CACNA1H: variants seen among roughly 807,000 people sequenced by gnomAD.
CACNA1H encodes the protein voltage-dependent T-type calcium channel subunit alpha-1H.
A neutral mutation model predicts 192.5 loss-of-function variants in CACNA1H; 149 were observed. The observed-to-expected ratio is 0.77, with a 90% CI of 0.68 to 0.89. The LOEUF (loss-of-function observed/expected upper bound fraction) is 0.89. Ranked by LOEUF, CACNA1H falls within the 40% of genes least tolerant of loss-of-function variation. The probability of loss-of-function intolerance (pLI) is 0.00; values close to 1 mark genes in which losing one functional copy is unlikely to be tolerated. For missense variants in CACNA1H, 4,257 were observed against 3,423.5 expected (o/e 1.24, Z -6.08); for synonymous variants, 2,202 against 1,475.2 (o/e 1.49, Z -11.29).
chr16:1,161,741 G>A (rs564872841), intron 2 of CACNA1H, among the ~76,000 whole-genome samples: 10 of 152,288 alleles, frequency 6.6e-5, no homozygotes, highest in East Asian at 3.9e-4. Context: ...CCGTCCAGTC[G>A]GTGGGTGGCC....
At chr16:1,216,269 T>C (rs1241618694) in intron 30 of CACNA1H, among the ~76,000 whole-genome samples, 2 of 152,218 alleles carry the variant, frequency 1.3e-5, no homozygotes, top group African/African-American at 4.8e-5. Flanking sequence ...CCACTCACCC[T>C]GTCCTCAGCG....
intron 2 of CACNA1H, among the ~76,000 whole-genome samples, chr16:1,160,934 C>A (rs999368193): frequency 1.3e-5 from 2 of 152,134 alleles, no homozygotes; most frequent in Non-Finnish European, 2.9e-5. Flanking sequence ...GTGCGGCCCC[C>A]CCCCAGCCTC....
chr16:1,200,676 A>G, intron 7 of CACNA1H, 40 bp from the exon 8 acceptor site: 1 of 1,564,810 alleles, frequency 6.4e-7, no homozygotes, highest in South Asian at 1.1e-5. Flanking sequence ...GAGGAGGAGG[A>G]GGGGTCGTGC....
At chr16:1,190,529 C>T (rs1246124177) in intron 2 of CACNA1H, among the ~76,000 whole-genome samples, 1 of 152,218 alleles carries the variant, frequency 6.6e-6, no homozygotes, top group Non-Finnish European at 1.5e-5. Context: ...GGCACTGGGA[C>T]CTGGTACATC....
intron 19 of CACNA1H, 45 bp downstream of exon 19, chr16:1,210,538 G>A (rs1303017083): frequency 6.2e-7 from 1 of 1,610,618 alleles, no homozygotes; most frequent in Admixed American, 1.7e-5. Flanking sequence ...CGACCCCCAG[G>A]GAGGGGTGGA....
intron 2 of CACNA1H, among the ~76,000 whole-genome samples, chr16:1,157,385 T>C (rs1348643707): frequency 6.6e-6 from 1 of 152,200 alleles, no homozygotes; most frequent in African/African-American, 2.4e-5. Flanking sequence ...CAGAGCTGGG[T>C]GAGCCCATCC....
intron 8 of CACNA1H, among the ~76,000 whole-genome samples, chr16:1,201,170 G>A (rs1265289638): frequency 2.0e-5 from 3 of 152,144 alleles, no homozygotes; most frequent in Non-Finnish European, 2.9e-5. Flanking sequence ...GGTTAATCAG[G>A]CCGCAGACGT....
At chr16:1,214,860 C>A in intron 27 of CACNA1H, 112 bp from the exon 28 acceptor site, 1 of 748,244 alleles carries the variant, frequency 1.3e-6, no homozygotes, top group Non-Finnish European at 2.3e-6. Flanking sequence ...CTGAGCTGAC[C>A]TGGGAGCCTC....
Position 1,201,683 on chromosome 16 carries a change from C to T in CACNA1H, c.1233C>T (p.Ile411=), listed in dbSNP as rs1967936464. Residue 411 remains isoleucine (I), a synonymous_variant, in exon 9 of 35, where the codon ATC becomes ATT. Transcript: ENST00000348261. ...LLIIVGSFFM[I]NLCLVVIATQ... is the part of the protein sequence containing the mutation. ...CACAGGTGGGCTCCTTCTTCATGAT[C>T]AACCTGTGCCTGGTGGTGATTGCCA... is the stretch of plus-strand genomic sequence containing the variant. 1 of 1,602,036 alleles carries T rather than the reference C, an allele frequency of 6.2e-7. No individual in the cohort carries two copies. The highest frequency in any genetic ancestry group is 1.3e-5 in the African/African-American group (1 of 74,730).
intron 2 of CACNA1H, among the ~76,000 whole-genome samples, chr16:1,168,845 T>TCCC (rs199554554): frequency 0.024 from 3,724 of 152,040 alleles, 75 homozygotes; most frequent in Middle Eastern, 0.071. Context: ...CATCGGGTAC[T>TCCC]CCCTCCTCCT....
At position 1,207,773 on chromosome 16, in the gene CACNA1H, G is replaced by T; in HGVS notation, c.3067G>T (p.Asp1023Tyr). The part of the protein sequence containing the change: ...ILVEGFQAEG[D>Y]ANRSDTDEDK... Reference sequence around the variant, plus strand: ...CCTTGTGCTTTGTTGGGTTTAGGGCGATGCCAACAGATCCGACACGGACGA... The same window carrying T: ...CCTTGTGCTTTGTTGGGTTTAGGGCTATGCCAACAGATCCGACACGGACGA... Residue 1023 changes from aspartate (D) to tyrosine (Y), a missense_variant, in exon 15 of 35, where the codon GAT becomes TAT. Physicochemically the swap from Asp to Tyr is radical, Grantham distance 160. Transcript: ENST00000348261. The T allele has an allele frequency of 6.3e-7, 1 of 1,595,108 alleles. No individual in the cohort carries two copies. The highest frequency in any genetic ancestry group is 2.3e-5 in the East Asian group (1 of 43,648).
Position 1,221,108 on chromosome 16 carries a change from AAGGCCCGGGGAGGATGACGGCCC to A in CACNA1H, c.*121_*143del, listed in dbSNP as rs1295126260. Reference sequence around the variant, plus strand: ...TGACTTGGGTCCCGTCGTGAGCAGAAAGGCCCGGGGAGGATGACGGCCCAGGCCCTGGTTCTCTGCCCAGCGAA... The same window carrying A: ...TGACTTGGGTCCCGTCGTGAGCAGAAAGGCCCTGGTTCTCTGCCCAGCGAA... On this transcript the variant is annotated 3_prime_UTR_variant, in exon 35 of 35. Transcript: ENST00000348261. 9.9e-6 allele frequency: 8 copies of A among 806,640 alleles called. No homozygotes were observed. In the African/African-American group the frequency reaches 1.4e-4, roughly 14 times the overall value. The allele number at this position is 806,640 out of a possible 1,614,324, so 50.0% of individuals were successfully genotyped here.
chr16:1,211,637 G>T (rs748170363), intron 23 of CACNA1H, 31 bp downstream of exon 23: 11 of 1,609,552 alleles, frequency 6.8e-6, no homozygotes, highest in Admixed American at 3.4e-5. Context: ...GGAGCTGGGG[G>T]TCTCCAGGAC....
At chr16:1,214,785 G>T (rs556157716) in intron 27 of CACNA1H, among the ~76,000 whole-genome samples, 187 bp from the exon 28 acceptor site, 1 of 152,142 alleles carries the variant, frequency 6.6e-6, no homozygotes. Flanking sequence ...GACACTTACG[G>T]AGCACTTCCT....
rs554029909 is a variant in CACNA1H at position 1,216,381 on chromosome 16, C to A, written c.5245-551C>A. ...GGGCGTGGCGTAGGACAGGCCTGGC[C>A]AGCCTTGGAGGGTGCGCCGCCCAGC... On this transcript the variant is annotated intron_variant, in intron 30 of 34. Transcript: ENST00000348261. Among the ~76,000 whole-genome samples, 3 of 152,384 alleles carry A rather than the reference C, an allele frequency of 2.0e-5. No homozygotes were observed. In the South Asian group the frequency reaches 6.2e-4, roughly 32 times the overall value.
chr16:1,188,580 C>T (rs1209967066), intron 2 of CACNA1H, among the ~76,000 whole-genome samples: 2 of 152,242 alleles, frequency 1.3e-5, no homozygotes, highest in Non-Finnish European at 2.9e-5. Flanking sequence ...CCTTGCTGCC[C>T]CCCACACAAC....
chr16:1,174,053 A>C (rs1024598237), intron 2 of CACNA1H, among the ~76,000 whole-genome samples: 30 of 152,328 alleles, frequency 2.0e-4, no homozygotes, highest in African/African-American at 7.2e-4. Context: ...CTGTGCATAC[A>C]GTGGGCCTCC....
At chr16:1,208,321 A>C in intron 16 of CACNA1H, 100 bp downstream of exon 16, 2 of 809,148 alleles carry the variant, frequency 2.5e-6, no homozygotes, top group Non-Finnish European at 4.0e-6. Context: ...CGCACCCCCC[A>C]CACCCTTGAA....
At position 1,220,674 on chromosome 16, in the gene CACNA1H, G is replaced by C; in HGVS notation, c.6742G>C (p.Gly2248Arg). 2 of 1,609,022 alleles carry C rather than the reference G, an allele frequency of 1.2e-6. No individual in the cohort carries two copies. Among genetic ancestry groups the C allele is most frequent in the Non-Finnish European group, 1.7e-6 (2 of 1,178,258 alleles). Residue 2248 changes from glycine to arginine, a missense_variant, in exon 35 of 35, where the codon GGG (glycine) becomes CGG (arginine). By Grantham distance (125) the Gly-to-Arg change is moderately radical (BLOSUM62 -2). Coordinates refer to ENST00000348261, the MANE Select transcript of CACNA1H (RefSeq NM_021098.3). The stretch of plus-strand genomic sequence containing the variant: ...CGCCGGGGGGGACCCTGCAGCCAAG[G>C]GGGAGCGCTGGGGCCAGGCCTCCTG... ...SGAGGDPAAK[G>R]ERWGQASCRA...
Sources: allele counts gnomAD v4.1 joint callset (sites outside exome capture counted in the v4.1 genomes callset), GRCh38; gene constraint gnomAD v4.1.1; transcripts MANE v1.5; gene names NCBI Gene and HGNC (gene_info 2026-07-23, HGNC 2026-07-21).